Variants in RCOR1 observed in about 807,000 individuals in gnomAD.
RCOR1 encodes REST corepressor 1.
RCOR1 carries 12 observed loss-of-function variants against 64.0 expected under a neutral mutation model. That is an observed-to-expected ratio of 0.19 (90% CI 0.12 to 0.30). The LOEUF (loss-of-function observed/expected upper bound fraction) is 0.30. Ranked by LOEUF, RCOR1 falls within the 10% of genes least tolerant of loss-of-function variation. The pLI is 1.00. For missense variants in RCOR1, 502 were observed against 621.2 expected (o/e 0.81, Z 2.04); for synonymous variants, 279 against 227.2 (o/e 1.23, Z -2.05).
chr14:102,682,179 G>C (rs1895319131), intron 3 of RCOR1, among the ~76,000 whole-genome samples: 1 of 151,986 alleles, frequency 6.6e-6, no homozygotes, highest in African/African-American at 2.4e-5. Context: ...GCCCAGGCTG[G>C]AGTGCAGCAG....
rs115519182 is a variant in RCOR1, at chr14:102,729,452, A to G, written c.*2946A>G. The G allele has an allele frequency of 2.4e-3, 378 of 156,270 alleles. 1 individual carries two copies. Among genetic ancestry groups the G allele is most frequent in the African/African-American group, 7.8e-3 (326 of 41,760 alleles). 9.7% of individuals were successfully genotyped at this position (156,270 alleles called of 1,614,324 possible). On this transcript the variant is annotated 3_prime_UTR_variant, in exon 12 of 12. Transcript: ENST00000262241. ...CACAGTCGGGTGCTAGTGTAACACAAATGCCGCGTTGTCTGGGTGTACAGT... is the reference window on the plus strand; with the variant it reads ...CACAGTCGGGTGCTAGTGTAACACAGATGCCGCGTTGTCTGGGTGTACAGT...
intron 2 of RCOR1, among the ~76,000 whole-genome samples, chr14:102,634,050 T>C (rs1169219481): frequency 6.6e-6 from 1 of 152,266 alleles, no homozygotes; most frequent in East Asian, 1.9e-4. Flanking sequence ...GCTTTCTGTC[T>C]TTCCTGAAAC....
At chr14:102,703,006 T>C (rs1895780167) in intron 4 of RCOR1, among the ~76,000 whole-genome samples, 1 of 151,916 alleles carries the variant, frequency 6.6e-6, no homozygotes, top group African/African-American at 2.4e-5. Context: ...TATGAACAAA[T>C]GGAAATAACA....
intron 2 of RCOR1, chr14:102,662,580 G>T: frequency 2.2e-6 from 1 of 460,288 alleles, no homozygotes; most frequent in Non-Finnish European, 4.2e-6. Context: ...TGGAAGGTGG[G>T]TGATGTGTGG....
At chr14:102,616,606 C>G (rs1893767588) in intron 2 of RCOR1, among the ~76,000 whole-genome samples, 2 of 152,090 alleles carry the variant, frequency 1.3e-5, no homozygotes, top group African/African-American at 2.4e-5. Flanking sequence ...AATAAACAGT[C>G]AGGTGAAGAG....
intron 2 of RCOR1, among the ~76,000 whole-genome samples, chr14:102,601,972 A>T (rs79381358): frequency 1.3e-5 from 2 of 152,112 alleles, no homozygotes; most frequent in African/African-American, 4.8e-5. Flanking sequence ...CAGCCTGGCC[A>T]ACATGGCGAA....
At chr14:102,691,737 A>T (rs1442348483) in intron 3 of RCOR1, among the ~76,000 whole-genome samples, 1 of 152,232 alleles carries the variant, frequency 6.6e-6, no homozygotes, top group Non-Finnish European at 1.5e-5. Context: ...CCTTCTATTA[A>T]ACAGTAATTT....
intron 2 of RCOR1, among the ~76,000 whole-genome samples, chr14:102,672,327 A>AG (rs1248526262): frequency 6.6e-6 from 1 of 151,862 alleles, no homozygotes; most frequent in Non-Finnish European, 1.5e-5. Flanking sequence ...TTCCTGCCTT[A>AG]GCCTCCCGAG....
intron 2 of RCOR1, among the ~76,000 whole-genome samples, chr14:102,673,268 A>T (rs868364637): frequency 1.3e-5 from 2 of 151,644 alleles, no homozygotes; most frequent in Non-Finnish European, 2.9e-5. Flanking sequence ...TGATAGCTGT[A>T]GATCTGATTT....
rs539110243 is a variant in RCOR1, at chr14:102,671,831, T to A, written c.362-10064T>A. Among the ~76,000 whole-genome samples, 6 of 152,346 alleles carry A rather than the reference T, an allele frequency of 3.9e-5. No homozygotes were observed. In the East Asian group the frequency reaches 1.2e-3, roughly 29 times the overall value. On this transcript the variant is annotated intron_variant, in intron 2 of 11. Transcript: ENST00000262241. ...TCCCATGAAGAAATGCTGTACCTGTTAGCAGTGGCACCCTGTTATTTCAAA... is the reference window on the plus strand; with the variant it reads ...TCCCATGAAGAAATGCTGTACCTGTAAGCAGTGGCACCCTGTTATTTCAAA...
At chr14:102,683,712 A>G (rs1251024189) in intron 3 of RCOR1, among the ~76,000 whole-genome samples, 1 of 152,244 alleles carries the variant, frequency 6.6e-6, no homozygotes, top group Non-Finnish European at 1.5e-5. Context: ...GATGGCAGCC[A>G]GTGCGCTCGG....
intron 3 of RCOR1, among the ~76,000 whole-genome samples, chr14:102,691,255 A>G (rs1391641426): frequency 6.6e-6 from 1 of 151,408 alleles, no homozygotes; most frequent in Non-Finnish European, 1.5e-5. Context: ...GGAGCTAAAC[A>G]TTGGGTGCAC....
In RCOR1 at chr14:102,714,532, A is replaced by G; in HGVS notation, c.968A>G (p.Asp323Gly). 2.5e-6 allele frequency: 4 copies of G among 1,614,022 alleles called. No individual in the cohort carries two copies. Among genetic ancestry groups the G allele is most frequent in the South Asian group, 1.1e-5 (1 of 91,066 alleles). Residue 323 changes from aspartate (D) to glycine (G), a missense_variant, in exon 8 of 12, where the codon GAT becomes GGT. By Grantham distance (94) the Asp-to-Gly change is moderately conservative (BLOSUM62 -1). Around this residue, in one of 2 missense-constraint regions of RCOR1, gnomAD observed 260 missense variants for 416.4 expected, o/e 0.62. Coordinates refer to ENST00000262241, the MANE Select transcript of RCOR1 (RefSeq NM_015156.4). ...PPKGMFLSQE[D>G]VEAVSANATA... The stretch of plus-strand genomic sequence containing the variant: ...AAAGGAATGTTTCTTTCTCAAGAAG[A>G]TGTGGAGGCTGTTTCTGCCAATGCC...
intron 2 of RCOR1, 128 bp downstream of exon 2, chr14:102,593,453 A>G: frequency 2.0e-6 from 2 of 1,007,368 alleles, no homozygotes; most frequent in South Asian, 3.8e-5. Context: ...CCGTGGGGAG[A>G]ACAGCAGGGC....
chr14:102,707,275 T>C (rs1895876372), intron 4 of RCOR1, 76 bp from the exon 5 acceptor site: 2 of 1,276,752 alleles, frequency 1.6e-6, no homozygotes, highest in Admixed American at 2.5e-5. Context: ...TCGTTTTTAC[T>C]TTTCTTTTGC....
At chr14:102,713,046 C>T (rs1394489483) in intron 7 of RCOR1, among the ~76,000 whole-genome samples, 1 of 148,156 alleles carries the variant, frequency 6.7e-6, no homozygotes, top group Non-Finnish European at 1.5e-5. Flanking sequence ...CCTCTGCCTC[C>T]CAGGTTCAAG....
At chr14:102,681,834 A>G in intron 2 of RCOR1, 61 bp from the exon 3 acceptor site, 3 of 1,206,796 alleles carry the variant, frequency 2.5e-6, no homozygotes, top group South Asian at 2.6e-5. Context: ...AGGTATTGTT[A>G]CTTATAGCTT....
At position 102,728,395 on chromosome 14, in the gene RCOR1, TA is replaced by T. The variant is rs1250826007; in HGVS notation, c.*1890del. 6.6e-6 allele frequency: 1 copy of T among 152,190 alleles called. No homozygotes were observed. Among genetic ancestry groups the T allele is most frequent in the Non-Finnish European group, 1.5e-5 (1 of 68,076 alleles). 9.4% of individuals were successfully genotyped at this position (152,190 alleles called of 1,614,324 possible). Reference sequence around the variant, plus strand: ...TTCTTTTCACCATAAGCCTGCTGTGTACACCGAGGGCGGCAGGAGAAGCATG... The same window carrying T: ...TTCTTTTCACCATAAGCCTGCTGTGTCACCGAGGGCGGCAGGAGAAGCATG... On this transcript the variant is annotated 3_prime_UTR_variant, in exon 12 of 12. Transcript: ENST00000262241.
At chr14:102,661,704 C>T (rs1595217969) in intron 2 of RCOR1, among the ~76,000 whole-genome samples, 3 of 152,152 alleles carry the variant, frequency 2.0e-5, no homozygotes, top group Admixed American at 2.0e-4. Flanking sequence ...CCGGCTATAG[C>T]AAGATGTTAG....
Sources: gnomAD v4.1 joint callset for allele counts (sites outside exome capture counted in the v4.1 genomes callset) on GRCh38, gnomAD v4.1.1 for gene constraint, gnomAD v4.1.1 regional missense constraint, MANE v1.5 for transcripts, NCBI Gene and HGNC (gene_info 2026-07-23, HGNC 2026-07-21) for gene names.